The following CBFB variants were observed in gnomAD, a reference collection of about 807,000 sequenced individuals.
CBFB encodes core-binding factor subunit beta, also known as CBF-beta.
CBFB carries 9 observed loss-of-function variants against 30.4 expected under a neutral mutation model. That is an observed-to-expected ratio of 0.30 (90% confidence interval 0.18 to 0.52). The LOEUF is 0.52. Ranked by LOEUF, CBFB falls within the 20% of genes least tolerant of loss-of-function variation. The pLI is 0.97. For missense variants in CBFB, 170 were observed against 244.0 expected, an observed-to-expected ratio of 0.70 and a Z score of 2.02; for synonymous variants, 94 against 84.0, an observed-to-expected ratio of 1.12 and a Z score of -0.65.
chr16:67,061,961 G>A (rs1346818208), intron 3 of CBFB, among the ~76,000 whole-genome samples: 1 of 151,888 alleles, frequency 6.6e-6, no homozygotes. Flanking sequence ...GAACCTGGGA[G>A]GTGGAGGTTG....
At chr16:67,030,126 A>G (rs1238721931) in intron 2 of CBFB, 1 of 290,280 alleles carries the variant, frequency 3.4e-6, no homozygotes, top group African/African-American at 2.2e-5. Context: ...GGTTCAGGGT[A>G]TTTGTAGCAA....
At chr16:67,052,131 C>T (rs1960572873) in intron 3 of CBFB, among the ~76,000 whole-genome samples, 1 of 152,160 alleles carries the variant, frequency 6.6e-6, no homozygotes, top group African/African-American at 2.4e-5. Flanking sequence ...CCACCTGCCT[C>T]AGCCTCCCGC....
intron 3 of CBFB, among the ~76,000 whole-genome samples, chr16:67,050,212 A>C (rs1296885255): frequency 6.8e-6 from 1 of 147,860 alleles, no homozygotes; most frequent in East Asian, 1.9e-4. Context: ...TTATATATAT[A>C]ATTTATATAT....
At chr16:67,065,811 C>A (rs939165976) in intron 3 of CBFB, among the ~76,000 whole-genome samples, 1 of 152,128 alleles carries the variant, frequency 6.6e-6, no homozygotes, top group African/African-American at 2.4e-5. Flanking sequence ...GACCTTAAAA[C>A]TTTTCTACTA....
chr16:67,081,906 C>T (rs1424720576), intron 4 of CBFB, among the ~76,000 whole-genome samples: 1 of 149,520 alleles, frequency 6.7e-6, no homozygotes, highest in Admixed American at 6.7e-5. Context: ...CTGCAACCTT[C>T]ACCTCCTGGG....
At position 67,029,505 on chromosome 16, in the gene CBFB, G is replaced by A. The variant is rs1232136868; in HGVS notation, c.78+20G>A. Reference sequence around the variant, plus strand: ...TGTGAGGTGAGGCAGGCGGGCGGGCGGCTAGGAGGCCGCAGCGCGCCCCGA... The same window carrying A: ...TGTGAGGTGAGGCAGGCGGGCGGGCAGCTAGGAGGCCGCAGCGCGCCCCGA... On this transcript the variant is annotated intron_variant, in intron 1 of 5. Transcript: ENST00000412916. 4 of 1,575,554 alleles carry A rather than the reference G, an allele frequency of 2.5e-6. No individual in the cohort carries two copies. Among genetic ancestry groups the A allele is most frequent in the East Asian group, 2.4e-5 (1 of 41,330 alleles).
chr16:67,091,272 A>G (rs1367064053), intron 5 of CBFB, among the ~76,000 whole-genome samples: 3 of 152,252 alleles, frequency 2.0e-5, no homozygotes, highest in Non-Finnish European at 4.4e-5. Context: ...AGTTTCTAAA[A>G]ATTATTCTAT....
At chr16:67,036,516 T>TA (rs1966442312) in intron 2 of CBFB, 123 bp from the exon 3 acceptor site, 2 of 601,308 alleles carry the variant, frequency 3.3e-6, no homozygotes, top group South Asian at 4.7e-5. Context: ...TGTTTTTTTT[T>TA]ACTTTTAAGT....
chr16:67,078,678 C>T (rs1469912253), intron 4 of CBFB, among the ~76,000 whole-genome samples: 4 of 152,118 alleles, frequency 2.6e-5, no homozygotes, highest in East Asian at 3.9e-4. Context: ...AATGGAGTTT[C>T]GCTCTTGTTG....
intron 2 of CBFB, among the ~76,000 whole-genome samples, chr16:67,035,446 C>G (rs1966427107): frequency 6.6e-6 from 1 of 152,154 alleles, no homozygotes; most frequent in African/African-American, 2.4e-5. Flanking sequence ...GGATATAAAA[C>G]ATTTACCACA....
rs576629599 is a variant in CBFB, at chr16:67,053,248, CTTT to C, written c.283-13415_283-13413del. Among the ~76,000 whole-genome samples the C allele has an allele frequency of 8.3e-4, 102 of 122,732 alleles. 1 individual carries two copies. Among genetic ancestry groups the C allele is most frequent in the African/African-American group, 2.9e-3 (92 of 31,624 alleles). 80.5% of individuals were successfully genotyped at this position (122,732 alleles called of 152,430 possible). Reference sequence around the variant, plus strand: ...AACGGACTCTAATGTCACTTTCTCTCTTTTTTTTTTTTTTTTTTTTTGGTGAGA... The same window carrying C: ...AACGGACTCTAATGTCACTTTCTCTCTTTTTTTTTTTTTTTTTTGGTGAGA... On this transcript the variant is annotated intron_variant, in intron 3 of 5. Coordinates refer to ENST00000412916, the MANE Select transcript of CBFB (RefSeq NM_022845.3).
intron 4 of CBFB, among the ~76,000 whole-genome samples, chr16:67,078,329 C>T (rs907647142): frequency 6.6e-6 from 1 of 152,118 alleles, no homozygotes; most frequent in African/African-American, 2.4e-5. Context: ...AGGAGGATCA[C>T]TTGATATTGG....
intron 4 of CBFB, among the ~76,000 whole-genome samples, chr16:67,074,452 A>G (rs200817003): frequency 1.3e-5 from 2 of 149,972 alleles, no homozygotes; most frequent in Admixed American, 6.7e-5. Context: ...GCGTGATCTC[A>G]GCTCACTGTA....
At chr16:67,058,831 A>T (rs781297797) in intron 3 of CBFB, among the ~76,000 whole-genome samples, 118 of 152,338 alleles carry the variant, frequency 7.7e-4, no homozygotes, top group Non-Finnish European at 1.1e-3. Flanking sequence ...CTAACAACTT[A>T]TTACAGAGAA....
At chr16:67,037,142 C>A (rs1344110642) in intron 3 of CBFB, among the ~76,000 whole-genome samples, 1 of 152,082 alleles carries the variant, frequency 6.6e-6, no homozygotes, top group Non-Finnish European at 1.5e-5. Flanking sequence ...TGTGATCCGC[C>A]CACCTCTGCC....
intron 2 of CBFB, among the ~76,000 whole-genome samples, chr16:67,033,587 C>T (rs1360258153): frequency 2.0e-5 from 3 of 151,890 alleles, no homozygotes; most frequent in Admixed American, 2.0e-4. Context: ...GCCACTGCAC[C>T]CAGCCTTGAT....
intron 4 of CBFB, among the ~76,000 whole-genome samples, chr16:67,075,197 A>ATACGTGTGTGTG (rs369475383): frequency 1.2e-3 from 166 of 142,764 alleles, no homozygotes; most frequent in South Asian, 5.6e-3. Context: ...CTCAAAAAAA[A>ATACGTGTGTGTG]TGTGTGTGTG....
chr16:67,068,432 G>T (rs1961120953), intron 4 of CBFB, among the ~76,000 whole-genome samples: 2 of 152,032 alleles, frequency 1.3e-5, no homozygotes, highest in Admixed American at 6.6e-5. Context: ...AGTGAACTAT[G>T]ATCATGCCAG....
At chr16:67,066,929 C>T (rs1307559680) in intron 4 of CBFB, 131 bp downstream of exon 4, 3 of 502,358 alleles carry the variant, frequency 6.0e-6, no homozygotes, top group African/African-American at 3.9e-5. Context: ...ATTGAGGAAT[C>T]CTGAAAATGT....
Sources: gnomAD v4.1 joint callset for allele counts (sites outside exome capture counted in the v4.1 genomes callset) on GRCh38, gnomAD v4.1.1 for gene constraint, MANE v1.5 for transcripts, NCBI Gene and HGNC (gene_info 2026-07-23, HGNC 2026-07-21) for gene names.